Variants in LPAR6 observed in about 807,000 individuals in gnomAD.
The protein encoded by LPAR6 is G-protein coupled purinergic receptor P2Y5.
A neutral mutation model predicts 22.0 loss-of-function variants in LPAR6; 17 were observed. The ratio of observed to expected loss-of-function variants is 0.77; its 90% confidence interval spans 0.53 to 1.16. LPAR6 has a LOEUF of 1.16. Among genes scored for constraint, LPAR6 ranks in the 50% most tolerant of loss-of-function variants. The probability of loss-of-function intolerance (pLI) is 0.00; values close to 1 mark genes in which losing one functional copy is unlikely to be tolerated. For missense variants in LPAR6, 384 were observed against 406.9 expected (o/e 0.94, Z 0.48); for synonymous variants, 136 against 139.8 (o/e 0.97, Z 0.19).
At chr13:48,444,074 TGTCAGATCCCACTGGTTGGG>T (rs1393255279) in intron 1 of LPAR6, among the ~76,000 whole-genome samples, 1 of 152,146 alleles carries the variant, frequency 6.6e-6, no homozygotes, top group Non-Finnish European at 1.5e-5. Flanking sequence ...TTGGAGATAG[TGTCAGATCCCACTGGTTGGG>T]GTCTCAGTGC....
At chr13:48,432,380 A>AT (rs1949139110) in intron 1 of LPAR6, among the ~76,000 whole-genome samples, 1 of 148,578 alleles carries the variant, frequency 6.7e-6, no homozygotes, top group African/African-American at 2.5e-5. Context: ...TCTGATTCTT[A>AT]TTTTTCATGG....
chr13:48,407,309 A>C (rs1019059606), downstream of LPAR6, among the ~76,000 whole-genome samples: 5 of 152,262 alleles, frequency 3.3e-5, no homozygotes, highest in African/African-American at 1.2e-4. Flanking sequence ...GAAAGAGGTA[A>C]TTTTCTACCC....
Position 48,411,714 on chromosome 13 carries a change from A to G in LPAR6, c.710T>C (p.Ile237Thr). The G allele has an allele frequency of 6.2e-7, 1 of 1,605,110 alleles. No individual in the cohort carries two copies. Residue 237 changes from isoleucine (I) to threonine (T), a missense_variant, in exon 1 of 1, where the codon ATA (isoleucine) becomes ACA (threonine). Coordinates refer to ENST00000620633, the MANE Select transcript of LPAR6 (RefSeq NM_001162498.3). ...GTAAGGAACAAAACAGAAACAGAAT[A>G]TGATCAAATGTACAAAAATCATTTT... ...VLKMIFVHLI[I>T]FCFCFVPYNI...
In LPAR6 at chr13:48,412,411, T is replaced by TAA. The variant is rs748403507; in HGVS notation, c.11_12dup (p.Asn5LeufsTer29). On this transcript the variant is annotated frameshift_variant, in exon 1 of 1. Transcript: ENST00000620633. LOFTEE classifies it high-confidence loss of function. ...TCATTATAGAAGCAGTGGGAGCTGTTAACGCTTACCATCGTAAAGGCACGT... is the reference window on the plus strand; with the variant it reads ...TCATTATAGAAGCAGTGGGAGCTGTTAAAACGCTTACCATCGTAAAGGCACGT... 1.2e-6 allele frequency: 2 copies of TAA among 1,613,498 alleles called. No individual in the cohort carries two copies. Among genetic ancestry groups the TAA allele is most frequent in the Admixed American group, 3.3e-5 (2 of 60,012 alleles).
At chr13:48,426,096 A>AAG (rs757572848) in intron 1 of LPAR6, among the ~76,000 whole-genome samples, 1 of 152,216 alleles carries the variant, frequency 6.6e-6, no homozygotes, top group South Asian at 2.1e-4. Flanking sequence ...CTTGATTTCT[A>AAG]AATTTTGACC....
chr13:48,426,255 A>G (rs1362060631), intron 1 of LPAR6, among the ~76,000 whole-genome samples: 2 of 152,226 alleles, frequency 1.3e-5, no homozygotes, highest in South Asian at 2.1e-4. Flanking sequence ...ATCACCTATA[A>G]TATCTTAACT....
upstream of LPAR6, among the ~76,000 whole-genome samples, chr13:48,427,157 C>T (rs201184320): frequency 1.8e-4 from 27 of 149,944 alleles, no homozygotes; most frequent in Admixed American, 2.7e-4. Context: ...GGGGAGCACA[C>T]TTCAACACGA....
At chr13:48,396,987 A>G (rs1187936708) in intron 1 of LPAR6, among the ~76,000 whole-genome samples, 1 of 152,232 alleles carries the variant, frequency 6.6e-6, no homozygotes, top group African/African-American at 2.4e-5. Context: ...TTAAAAAGTC[A>G]GGAAACAACA....
intron 1 of LPAR6, among the ~76,000 whole-genome samples, chr13:48,401,587 C>T (rs917413083): frequency 1.2e-4 from 18 of 152,232 alleles, no homozygotes; most frequent in South Asian, 2.1e-4. Context: ...TGAACTGTCA[C>T]GACCCAGTCT....
intron 1 of LPAR6, among the ~76,000 whole-genome samples, chr13:48,399,437 AAAAG>A (rs1272727786): frequency 1.3e-5 from 2 of 152,078 alleles, no homozygotes; most frequent in African/African-American, 4.8e-5. Flanking sequence ...TACAAACAAA[AAAAG>A]ATAGTAATTT....
chr13:48,392,618 C>A (rs575010139), intron 1 of LPAR6, among the ~76,000 whole-genome samples: 11 of 152,088 alleles, frequency 7.2e-5, no homozygotes, highest in Non-Finnish European at 1.2e-4. Context: ...TCTTCCATAT[C>A]TATTTTTATT....
intron 1 of LPAR6, among the ~76,000 whole-genome samples, chr13:48,395,093 A>AC (rs1566204160): frequency 6.6e-6 from 1 of 152,080 alleles, no homozygotes; most frequent in African/African-American, 2.4e-5. Context: ...CACTGGTGAT[A>AC]CCAGGCAAAC....
At position 48,394,367 on chromosome 13, in the gene LPAR6, G is replaced by A. The variant is rs567411878; in HGVS notation, n.115-4555C>T. ...GAGCTAGCTGTAGGAGTTTTCTTTC[G>A]TACTCCAGTGGTGCCTGGAATGACA... is the stretch of plus-strand genomic sequence containing the variant. On this transcript the variant is annotated intron_variant and non_coding_transcript_variant, in intron 1 of 1. Transcript: ENST00000462781. Among the ~76,000 whole-genome samples the A allele has an allele frequency of 3.9e-5, 6 of 152,234 alleles. No individual in the cohort carries two copies. In the South Asian group the frequency reaches 6.2e-4, roughly 16 times the overall value.
At chr13:48,442,793 G>A (rs1421599883) in intron 1 of LPAR6, among the ~76,000 whole-genome samples, 3 of 152,048 alleles carry the variant, frequency 2.0e-5, no homozygotes, top group Non-Finnish European at 2.9e-5. Flanking sequence ...TTTTGAGTTA[G>A]GAAGTCCTTT....
At chr13:48,436,397 C>T (rs578148392) in intron 1 of LPAR6, among the ~76,000 whole-genome samples, 1 of 152,268 alleles carries the variant, frequency 6.6e-6, no homozygotes, top group Non-Finnish European at 1.5e-5. Context: ...AATCTCAGCA[C>T]TTTGAGAGGC....
downstream of LPAR6, among the ~76,000 whole-genome samples, chr13:48,406,110 G>GTGTGTATGTA (rs1402985514): frequency 6.6e-6 from 1 of 151,674 alleles, no homozygotes; most frequent in Admixed American, 6.6e-5. Flanking sequence ...GTGTGTGTGT[G>GTGTGTATGTA]TGTATGTATG....
At chr13:48,424,641 A>G (rs191348400) in intron 1 of LPAR6, among the ~76,000 whole-genome samples, 147 of 152,228 alleles carry the variant, frequency 9.7e-4, no homozygotes, top group African/African-American at 3.2e-3. Flanking sequence ...TTCATCTCCA[A>G]CTCTTAGAAT....
In LPAR6 at chr13:48,412,278, C is replaced by T. The variant is rs149045565; in HGVS notation, c.146G>A (p.Arg49Gln). 9 of 1,613,968 alleles carry T rather than the reference C, an allele frequency of 5.6e-6. No individual in the cohort carries two copies. Among genetic ancestry groups the T allele is most frequent in the African/African-American group, 4.0e-5 (3 of 75,030 alleles). ...AATCATGTAAGTTGTAGTTTCATTT[C>T]GGACTTTGAGGACGCAGATGAAAAT... is the stretch of plus-strand genomic sequence containing the variant. ...IYIFICVLKVRNETTTYMINL... is the reference protein window; with the variant it reads ...IYIFICVLKVQNETTTYMINL... Residue 49 changes from arginine to glutamine, a missense_variant, in exon 1 of 1, where the codon CGA (arginine) becomes CAA (glutamine). By Grantham distance (43) the Arg-to-Gln change is conservative. Transcript: ENST00000620633.
chr13:48,442,522 C>T (rs1342381890), intron 1 of LPAR6, among the ~76,000 whole-genome samples: 1 of 152,102 alleles, frequency 6.6e-6, no homozygotes, highest in African/African-American at 2.4e-5. Flanking sequence ...AGGTAACTTT[C>T]CTACTGTACT....
Sources: gnomAD v4.1 joint callset for allele counts (sites outside exome capture counted in the v4.1 genomes callset) on GRCh38, gnomAD v4.1.1 for gene constraint, MANE v1.5 for transcripts, NCBI Gene and HGNC (gene_info 2026-07-23, HGNC 2026-07-21) for gene names.